FGGY: variants seen among roughly 807,000 people sequenced by gnomAD.
FGGY encodes FGGY carbohydrate kinase domain containing.
Under a neutral mutation model 71.3 loss-of-function variants are expected in FGGY, and 72 were observed. The observed-to-expected ratio is 1.01, with a 90% CI of 0.84 to 1.23. The LOEUF (loss-of-function observed/expected upper bound fraction) is 1.23, where lower values mean the gene tolerates loss of function less well. Ranked by LOEUF, FGGY falls within the 50% of genes most tolerant of loss-of-function variation. The probability of loss-of-function intolerance (pLI) is 0.00; values close to 1 mark genes in which losing one functional copy is unlikely to be tolerated. For missense variants in FGGY, 668 were observed against 682.3 expected (o/e 0.98, Z 0.23); for synonymous variants, 251 against 250.3 (o/e 1.00, Z -0.02).
At chr1:59,446,661 G>A (rs778223022) in intron 5 of FGGY, among the ~76,000 whole-genome samples, 41 of 152,166 alleles carry the variant, frequency 2.7e-4, no homozygotes, top group Non-Finnish European at 4.4e-4. Flanking sequence ...GCATGGCTTG[G>A]AAAAACAGAG....
At chr1:59,747,100 A>G (rs1313307123) in intron 14 of FGGY, among the ~76,000 whole-genome samples, 2 of 152,242 alleles carry the variant, frequency 1.3e-5, no homozygotes, top group East Asian at 3.8e-4. Flanking sequence ...TCAGCCTCAC[A>G]TATCAGCAAG....
chr1:59,735,501 T>C (rs562397194), intron 14 of FGGY, among the ~76,000 whole-genome samples: 2 of 152,354 alleles, frequency 1.3e-5, no homozygotes, highest in East Asian at 3.9e-4. Flanking sequence ...ATTTTCACCA[T>C]TGAATCCACT....
At chr1:59,737,718 A>T (rs1356459425) in intron 14 of FGGY, among the ~76,000 whole-genome samples, 1 of 152,216 alleles carries the variant, frequency 6.6e-6, no homozygotes, top group Non-Finnish European at 1.5e-5. Context: ...GGCAGAAGGG[A>T]CTTACCTTTG....
intron 14 of FGGY, among the ~76,000 whole-genome samples, chr1:59,725,171 C>A (rs2097931647): frequency 6.6e-6 from 1 of 152,144 alleles, no homozygotes; most frequent in Admixed American, 6.5e-5. Flanking sequence ...CATTGTTTTG[C>A]ATGTGGACAT....
chr1:59,464,214 C>T (rs1195914366), intron 6 of FGGY, among the ~76,000 whole-genome samples: 1 of 152,206 alleles, frequency 6.6e-6, no homozygotes, highest in African/African-American at 2.4e-5. Context: ...AAGAAACTCA[C>T]TCAAAACTGC....
chr1:59,621,290 C>A (rs1057150807), intron 9 of FGGY, among the ~76,000 whole-genome samples: 17 of 151,998 alleles, frequency 1.1e-4, no homozygotes, highest in Middle Eastern at 6.8e-3. Context: ...CAGTTTAGTC[C>A]ATGTCAAAGA....
chr1:59,303,431 C>A (rs1450111782), intron 1 of FGGY, among the ~76,000 whole-genome samples: 1 of 152,116 alleles, frequency 6.6e-6, no homozygotes, highest in Non-Finnish European at 1.5e-5. Flanking sequence ...TGGCAAATGG[C>A]AGGAATCTTT....
chr1:59,316,035 C>G (rs768665786), intron 1 of FGGY: 7 of 152,198 alleles, frequency 4.6e-5, no homozygotes, highest in Non-Finnish European at 7.3e-5. Context: ...TCAAATTTTT[C>G]CACCATCTTA....
intron 9 of FGGY, among the ~76,000 whole-genome samples, chr1:59,614,065 A>T (rs1384813709): frequency 6.6e-6 from 1 of 152,222 alleles, no homozygotes; most frequent in East Asian, 1.9e-4. Context: ...ATTCTACCAG[A>T]GGTACAAGGA....
intron 5 of FGGY, among the ~76,000 whole-genome samples, chr1:59,394,852 C>G (rs2061136078): frequency 6.6e-6 from 1 of 152,098 alleles, no homozygotes; most frequent in South Asian, 2.1e-4. Context: ...TCATCTCCTG[C>G]TGGTCCTTAT....
intron 4 of FGGY, among the ~76,000 whole-genome samples, chr1:59,357,158 C>G (rs1201815833): frequency 6.6e-6 from 1 of 152,144 alleles, no homozygotes; most frequent in African/African-American, 2.4e-5. Context: ...GATGGCTTGC[C>G]TTCATCTACC....
chr1:59,338,093 G>A (rs1231957641), intron 2 of FGGY, among the ~76,000 whole-genome samples: 1 of 152,060 alleles, frequency 6.6e-6, no homozygotes, highest in Non-Finnish European at 1.5e-5. Flanking sequence ...CTGTTGAGAT[G>A]ATCATTTGGT....
intron 1 of FGGY, among the ~76,000 whole-genome samples, chr1:59,297,743 A>G (rs957531376): frequency 1.3e-5 from 2 of 152,034 alleles, no homozygotes; most frequent in Non-Finnish European, 2.9e-5. Flanking sequence ...GAATAGCGTG[A>G]ACCCAGGAGG....
intron 8 of FGGY, among the ~76,000 whole-genome samples, chr1:59,599,345 A>G (rs1016316744): frequency 6.6e-6 from 1 of 151,986 alleles, no homozygotes; most frequent in Admixed American, 6.5e-5. Flanking sequence ...CCTCCCAGTG[A>G]TCTGCTGGCC....
chr1:59,696,561 G>A (rs533820730), intron 14 of FGGY, among the ~76,000 whole-genome samples: 5 of 152,136 alleles, frequency 3.3e-5, no homozygotes, highest in East Asian at 1.9e-4. Flanking sequence ...AGCAAGTGGC[G>A]GGGGCCCAGG....
chr1:59,590,418 A>G (rs987044634), intron 8 of FGGY, among the ~76,000 whole-genome samples: 1 of 152,224 alleles, frequency 6.6e-6, no homozygotes, highest in Non-Finnish European at 1.5e-5. Context: ...AAAAGAGGTT[A>G]TCCTCCCTAA....
At chr1:59,536,288 G>A (rs1230856669) in intron 7 of FGGY, among the ~76,000 whole-genome samples, 1 of 152,114 alleles carries the variant, frequency 6.6e-6, no homozygotes, top group Non-Finnish European at 1.5e-5. Flanking sequence ...GGAAGAAGTT[G>A]AATCTCTGAA....
intron 9 of FGGY, among the ~76,000 whole-genome samples, chr1:59,625,082 C>T (rs756574346): frequency 6.6e-6 from 1 of 152,136 alleles, no homozygotes; most frequent in Non-Finnish European, 1.5e-5. Context: ...TATCCCTGTG[C>T]AGCCAAAAGA....
At chr1:59,533,198 GT>G (rs933371990) in intron 7 of FGGY, among the ~76,000 whole-genome samples, 1 of 152,302 alleles carries the variant, frequency 6.6e-6, no homozygotes, top group South Asian at 2.1e-4. Context: ...CACTCGGGAA[GT>G]GCAAGGGGTC....
Sources: gnomAD v4.1 joint callset for allele counts (sites outside exome capture counted in the v4.1 genomes callset) on GRCh38, gnomAD v4.1.1 for gene constraint, MANE v1.5 for transcripts, NCBI Gene and HGNC (gene_info 2026-07-23, HGNC 2026-07-21) for gene names.